TLN2: variants seen among roughly 807,000 people sequenced by gnomAD.
TLN2 encodes talin 2.
A neutral mutation model predicts 294.7 loss-of-function variants in TLN2; 118 were observed. The observed-to-expected ratio is 0.40, with a 90% CI of 0.34 to 0.47. The LOEUF is 0.47. Among genes scored for constraint, TLN2 ranks in the 20% least tolerant of loss-of-function variants. TLN2 has a pLI of 0.84. For synonymous variants in TLN2, 1,431 were observed against 1,304.5 expected (o/e 1.10, Z -2.09); for missense variants, 3,083 against 3,282.2 (o/e 0.94, Z 1.48).
intron 3 of TLN2, among the ~76,000 whole-genome samples, chr15:62,628,713 C>T (rs529015728): frequency 4.6e-5 from 7 of 152,232 alleles, no homozygotes; most frequent in South Asian, 4.2e-4. Flanking sequence ...CTGGCAAAAC[C>T]GGAGCAGACA....
intron 1 of TLN2, among the ~76,000 whole-genome samples, chr15:62,449,290 C>A (rs979647923): frequency 2.0e-5 from 3 of 152,110 alleles, no homozygotes; most frequent in Non-Finnish European, 4.4e-5. Flanking sequence ...TTCTGCATGA[C>A]CCAGATCTTT....
In TLN2 at chr15:62,421,858, T is replaced by G. The variant is rs569125778; in HGVS notation, c.-238+31173T>G. Among the ~76,000 whole-genome samples the G allele has an allele frequency of 1.9e-4, 29 of 152,240 alleles. No individual in the cohort carries two copies. In the East Asian group the frequency reaches 5.6e-3, roughly 29 times the overall value. On this transcript the variant is annotated intron_variant, in intron 1 of 58. Coordinates refer to ENST00000636159, the MANE Select transcript of TLN2 (RefSeq NM_015059.3). ...GGGGGAAATTTCTTTTTAGCAATAT[T>G]AAGTCTTCTGACTTAAGCAAGAAAA... is the stretch of plus-strand genomic sequence containing the variant.
intron 1 of TLN2, among the ~76,000 whole-genome samples, chr15:62,451,079 T>A (rs2036115404): frequency 6.6e-6 from 1 of 151,972 alleles, no homozygotes; most frequent in African/African-American, 2.4e-5. Flanking sequence ...GAGAGTGCTT[T>A]AGTGGATTAT....
chr15:62,403,342 C>G (rs2033160905), intron 1 of TLN2, among the ~76,000 whole-genome samples: 1 of 152,274 alleles, frequency 6.6e-6, no homozygotes, highest in South Asian at 2.1e-4. Flanking sequence ...AAAGAACTGT[C>G]ATACTCACTG....
chr15:62,789,135 G>T (rs2064901778), intron 45 of TLN2, among the ~76,000 whole-genome samples: 1 of 152,130 alleles, frequency 6.6e-6, no homozygotes, highest in Admixed American at 6.5e-5. Flanking sequence ...GCTTGTCCTT[G>T]ATAACCCTGC....
At chr15:62,567,131 G>C (rs1396323232) in intron 1 of TLN2, among the ~76,000 whole-genome samples, 1 of 152,162 alleles carries the variant, frequency 6.6e-6, no homozygotes, top group East Asian at 1.9e-4. Context: ...CTTGTAAACA[G>C]TATTTTACTG....
At chr15:62,537,591 A>C (rs1310871483) in intron 1 of TLN2, among the ~76,000 whole-genome samples, 3 of 152,210 alleles carry the variant, frequency 2.0e-5, no homozygotes, top group Non-Finnish European at 4.4e-5. Flanking sequence ...CAGGGAAGGA[A>C]GTGATTTACT....
At chr15:62,598,820 G>T (rs980404611) in intron 2 of TLN2, among the ~76,000 whole-genome samples, 1 of 151,884 alleles carries the variant, frequency 6.6e-6, no homozygotes, top group Non-Finnish European at 1.5e-5. Context: ...TAGTATCCTG[G>T]TATTTGTGAG....
chr15:62,753,346 C>G (rs996300514), intron 35 of TLN2, among the ~76,000 whole-genome samples: 1 of 152,144 alleles, frequency 6.6e-6, no homozygotes, highest in Admixed American at 6.5e-5. Context: ...CCACGGTTGG[C>G]TGACCCAGCA....
rs2070736982 is a variant in TLN2 at position 62,841,863 on chromosome 15, C to T, written c.*1253C>T. On this transcript the variant is annotated 3_prime_UTR_variant, in exon 59 of 59. Coordinates refer to ENST00000636159, the MANE Select transcript of TLN2 (RefSeq NM_015059.3). ...TGGCTCGTGGGACAGAATCTAATGC[C>T]AGGGAGCAGGAGTGTTTGAAAGAAT... is the stretch of plus-strand genomic sequence containing the variant. The T allele has an allele frequency of 6.6e-6, 1 of 152,042 alleles. No individual in the cohort carries two copies. Among genetic ancestry groups the T allele is most frequent in the East Asian group, 1.9e-4 (1 of 5,188 alleles). 9.4% of individuals were successfully genotyped at this position (152,042 alleles called of 1,614,324 possible). A position where few individuals can be genotyped will look rare whatever the true frequency, so the allele number is the denominator to read the frequency against.
intron 10 of TLN2, among the ~76,000 whole-genome samples, chr15:62,674,466 C>T (rs2055886240): frequency 6.6e-6 from 1 of 151,792 alleles, no homozygotes; most frequent in Non-Finnish European, 1.5e-5. Flanking sequence ...TTTCTGAGTA[C>T]TATCGTGCAC....
At chr15:62,522,742 C>T (rs909085255) in intron 1 of TLN2, among the ~76,000 whole-genome samples, 1 of 152,010 alleles carries the variant, frequency 6.6e-6, no homozygotes, top group African/African-American at 2.4e-5. Flanking sequence ...TGCCCTGCAG[C>T]TGACATTTTG....
intron 1 of TLN2, among the ~76,000 whole-genome samples, chr15:62,441,982 TTAATAA>T (rs2035568952): frequency 6.6e-6 from 1 of 152,054 alleles, no homozygotes; most frequent in African/African-American, 2.4e-5. Context: ...GGTAATGTTG[TTAATAA>T]TAAAAGGGTA....
At chr15:62,714,445 A>G (rs2414782) in intron 22 of TLN2, among the ~76,000 whole-genome samples, 137,314 of 151,810 alleles carry the variant, frequency 0.9, 63,570 homozygotes, top group Non-Finnish European at 1. Flanking sequence ...CTTGTGATCC[A>G]CCCGCCTCGG....
chr15:62,570,032 C>T (rs899173849), intron 1 of TLN2, among the ~76,000 whole-genome samples: 5 of 152,156 alleles, frequency 3.3e-5, no homozygotes, highest in African/African-American at 9.7e-5. Context: ...TCTTCTCTAT[C>T]TCTCCTTTCC....
chr15:62,782,391 G>C (rs987099571), intron 44 of TLN2, among the ~76,000 whole-genome samples: 1 of 152,230 alleles, frequency 6.6e-6, no homozygotes, highest in Non-Finnish European at 1.5e-5. Context: ...CGAGCCAGCA[G>C]ACTTTCAGCA....
Position 62,764,178 on chromosome 15 carries a change from GA to G in TLN2, c.5094+484del, listed in dbSNP as rs1191516922. On this transcript the variant is annotated intron_variant, in intron 40 of 58. Transcript: ENST00000636159. ...AGTTATTCAATATCCAGCATTTGAGGACTTTGGCATCCTATTATTAATTTAA... is the reference window on the plus strand; with the variant it reads ...AGTTATTCAATATCCAGCATTTGAGGCTTTGGCATCCTATTATTAATTTAA... 2.0e-5 allele frequency among the ~76,000 whole-genome samples: 3 copies of G among 152,140 alleles called. No homozygotes were observed. The East Asian group carries it at 5.8e-4, about 29-fold the overall frequency.
At chr15:62,788,229 T>G (rs994355798) in intron 45 of TLN2, among the ~76,000 whole-genome samples, 1 of 151,752 alleles carries the variant, frequency 6.6e-6, no homozygotes, top group African/African-American at 2.4e-5. Context: ...GAGAATCGCT[T>G]GAACCCGGGT....
intron 3 of TLN2, among the ~76,000 whole-genome samples, chr15:62,626,519 A>G (rs2049295960): frequency 6.6e-6 from 1 of 152,234 alleles, no homozygotes. Flanking sequence ...CTCTAATTGT[A>G]ATTATATCCT....
Sources: allele counts gnomAD v4.1 joint callset (sites outside exome capture counted in the v4.1 genomes callset), GRCh38; gene constraint gnomAD v4.1.1; transcripts MANE v1.5; gene names NCBI Gene and HGNC (gene_info 2026-07-23, HGNC 2026-07-21).